Variants in XKR4 observed in about 807,000 individuals in gnomAD.
The protein encoded by XKR4 is XK related 4, also known as XK-related protein 4.
In XKR4, 12 loss-of-function variants were observed where a neutral mutation model predicts 53.9. The observed-to-expected ratio is 0.22, with a 90% CI of 0.14 to 0.36. The LOEUF (loss-of-function observed/expected upper bound fraction) is 0.36. Among genes scored for constraint, XKR4 ranks in the 10% least tolerant of loss-of-function variants. The pLI, the probability that XKR4 is intolerant of heterozygous loss-of-function variation, is 1.00. For missense variants in XKR4, 799 were observed against 859.5 expected, an observed-to-expected ratio of 0.93 and a Z score of 0.88; for synonymous variants, 354 against 362.4, an observed-to-expected ratio of 0.98 and a Z score of 0.26.
In XKR4 at chr8:55,531,860, T is replaced by G. The variant is rs1172327908; in HGVS notation, c.*7633T>G. The G allele has an allele frequency of 2.6e-5, 4 of 152,322 alleles. No individual in the cohort carries two copies. The highest frequency in any genetic ancestry group is 5.9e-5 in the Non-Finnish European group (4 of 68,050). The allele number at this position is 152,322 out of a possible 1,614,324, so 9.4% of individuals were successfully genotyped here. The stretch of plus-strand genomic sequence containing the variant: ...TCTGGACATAAACATGAGCTGTTTC[T>G]CTAAAGCCTTTCCTCCAATGCCCAG... On this transcript the variant is annotated 3_prime_UTR_variant, in exon 3 of 3. Coordinates refer to ENST00000327381, the MANE Select transcript of XKR4 (RefSeq NM_052898.2).
chr8:55,132,708 C>T (rs1585895422), intron 1 of XKR4, among the ~76,000 whole-genome samples: 1 of 152,176 alleles, frequency 6.6e-6, no homozygotes, highest in South Asian at 2.1e-4. Context: ...GGTGTGGCTG[C>T]TGGGTCCTAA....
At chr8:55,346,736 T>A (rs62519095) in intron 1 of XKR4, among the ~76,000 whole-genome samples, 9,948 of 149,084 alleles carry the variant, frequency 0.067, 476 homozygotes, top group Non-Finnish European at 0.099. Flanking sequence ...TTTAGAAAGC[T>A]TTGTAGCCAG....
At chr8:55,259,147 A>G (rs1056500326) in intron 1 of XKR4, among the ~76,000 whole-genome samples, 4 of 152,202 alleles carry the variant, frequency 2.6e-5, no homozygotes, top group Non-Finnish European at 5.9e-5. Flanking sequence ...GCACTGCTGC[A>G]CTGCAGATCA....
chr8:55,480,581 G>A (rs1563362752), intron 2 of XKR4, among the ~76,000 whole-genome samples: 1 of 151,960 alleles, frequency 6.6e-6, no homozygotes, highest in African/African-American at 2.4e-5. Context: ...GAAATAAAGG[G>A]TATTCAATTA....
At chr8:55,517,933 C>T (rs1806740255) in intron 2 of XKR4, 1 of 152,128 alleles carries the variant, frequency 6.6e-6, no homozygotes. Context: ...AAAAAAGAGC[C>T]CTTCTCACCA....
intron 1 of XKR4, among the ~76,000 whole-genome samples, chr8:55,161,055 T>A (rs1816977002): frequency 6.6e-6 from 1 of 152,166 alleles, no homozygotes; most frequent in African/African-American, 2.4e-5. Context: ...ATCAGACCTG[T>A]GTTCTGAGCT....
chr8:55,522,957 A>T (rs1806819371), intron 2 of XKR4, among the ~76,000 whole-genome samples: 1 of 152,214 alleles, frequency 6.6e-6, no homozygotes, highest in African/African-American at 2.4e-5. Context: ...CCTGGCTTAC[A>T]TGGTGAAACC....
At chr8:55,158,464 T>C (rs1816938878) in intron 1 of XKR4, among the ~76,000 whole-genome samples, 1 of 152,232 alleles carries the variant, frequency 6.6e-6, no homozygotes. Flanking sequence ...TTTACTCTGT[T>C]GGTAGTTTCT....
chr8:55,131,849 G>T (rs1392446679), intron 1 of XKR4, among the ~76,000 whole-genome samples: 1 of 152,080 alleles, frequency 6.6e-6, no homozygotes, highest in Non-Finnish European at 1.5e-5. Flanking sequence ...AGCCAGGACT[G>T]CAGGCATTGG....
chr8:55,451,784 G>C, intron 2 of XKR4: 1 of 1,028,606 alleles, frequency 9.7e-7, no homozygotes, highest in Non-Finnish European at 1.5e-6. Context: ...CCCAGGCCAA[G>C]GCACTGATAG....
intron 1 of XKR4, among the ~76,000 whole-genome samples, chr8:55,289,269 C>G (rs1459695599): frequency 6.6e-6 from 1 of 152,048 alleles, no homozygotes; most frequent in African/African-American, 2.4e-5. Context: ...CAATCCCCAG[C>G]ACTTTGGGAG....
intron 2 of XKR4, among the ~76,000 whole-genome samples, chr8:55,400,833 C>T (rs1804589089): frequency 6.6e-6 from 1 of 152,202 alleles, no homozygotes; most frequent in Non-Finnish European, 1.5e-5. Context: ...GATTGCCTGC[C>T]TGTCTGCTGC....
chr8:55,255,739 T>A (rs1235790692), intron 1 of XKR4, among the ~76,000 whole-genome samples: 1 of 152,130 alleles, frequency 6.6e-6, no homozygotes. Flanking sequence ...CTTAAGAGAT[T>A]AGCAAGGAGC....
At chr8:55,420,543 C>CCAAA (rs1804911784) in intron 2 of XKR4, among the ~76,000 whole-genome samples, 1 of 147,036 alleles carries the variant, frequency 6.8e-6, no homozygotes, top group African/African-American at 2.6e-5. Flanking sequence ...GAACAAAAAA[C>CCAAA]CAAACACCGC....
intron 2 of XKR4, among the ~76,000 whole-genome samples, chr8:55,369,099 C>T (rs2129385794): frequency 6.6e-6 from 1 of 152,078 alleles, no homozygotes. Context: ...TGGTGGCTCA[C>T]ACCTATAATC....
intron 2 of XKR4, among the ~76,000 whole-genome samples, chr8:55,392,034 A>T (rs1232121534): frequency 6.6e-6 from 1 of 152,176 alleles, no homozygotes; most frequent in African/African-American, 2.4e-5. Flanking sequence ...GTGTAAAATG[A>T]AGGAGTTACA....
At chr8:55,390,251 A>G (rs971273478) in intron 2 of XKR4, among the ~76,000 whole-genome samples, 4 of 152,230 alleles carry the variant, frequency 2.6e-5, no homozygotes. Context: ...AATCTCATCA[A>G]AAAACTGAGG....
intron 1 of XKR4, among the ~76,000 whole-genome samples, chr8:55,321,136 C>T (rs1420868603): frequency 6.6e-6 from 1 of 152,148 alleles, no homozygotes; most frequent in African/African-American, 2.4e-5. Context: ...TATTTTTGGT[C>T]ATTGCCTCCT....
rs1235522696 is a variant in XKR4, at chr8:55,113,091, A to C, written c.806+9797A>C. On this transcript the variant is annotated intron_variant, in intron 1 of 2. Coordinates refer to ENST00000327381, the MANE Select transcript of XKR4 (RefSeq NM_052898.2). ...TCATCCTAAGGAAAGCACCAATATT[A>C]GTTGAGTTCTTACTTCTGAAAAGTC... Among the ~76,000 whole-genome samples, 6 of 152,236 alleles carry C rather than the reference A, an allele frequency of 3.9e-5. No homozygotes were observed. The East Asian group carries it at 1.2e-3, about 29-fold the overall frequency.
Sources: allele counts gnomAD v4.1 joint callset (sites outside exome capture counted in the v4.1 genomes callset), GRCh38; gene constraint gnomAD v4.1.1; transcripts MANE v1.5; gene names NCBI Gene and HGNC (gene_info 2026-07-23, HGNC 2026-07-21).